The following GALNT13 variants were observed in gnomAD, a reference collection of about 807,000 sequenced individuals.
The protein encoded by GALNT13 is UDP-GalNAc:polypeptide N-acetylgalactosaminyltransferase 13.
GALNT13 carries 28 observed loss-of-function variants against 64.2 expected under a neutral mutation model. The ratio of observed to expected loss-of-function variants is 0.44; its 90% CI spans 0.32 to 0.60. The LOEUF (loss-of-function observed/expected upper bound fraction) is 0.60, where lower values mean the gene tolerates loss of function less well. Among genes scored for constraint, GALNT13 ranks in the 20% least tolerant of loss-of-function variants. The pLI, the probability that GALNT13 is intolerant of heterozygous loss-of-function variation, is 0.05. For synonymous variants in GALNT13, 214 were observed against 224.6 expected (o/e 0.95, Z 0.42); for missense variants, 577 against 669.8 (o/e 0.86, Z 1.53).
chr2:153,482,794 A>G, the GALNT13 span, among the ~76,000 whole-genome samples: 8 of 148,502 alleles, frequency 5.4e-5, no homozygotes, highest in African/African-American at 1.0e-4. Flanking sequence ...TAAATCCTCT[A>G]TGTACCTCAT....
intron 4 of GALNT13, among the ~76,000 whole-genome samples, chr2:154,241,734 G>T (rs1689498752): frequency 1.3e-5 from 2 of 152,054 alleles, no homozygotes; most frequent in South Asian, 2.1e-4. Context: ...TGTTTTACCA[G>T]TTTCAGAATG....
intron 2 of GALNT13, among the ~76,000 whole-genome samples, chr2:153,942,628 C>CT (rs1328961596): frequency 6.6e-6 from 1 of 151,644 alleles, no homozygotes; most frequent in Non-Finnish European, 1.5e-5. Context: ...TAACATGTTA[C>CT]TTTTTTCTAA....
the GALNT13 span, among the ~76,000 whole-genome samples, chr2:153,271,252 A>G: frequency 1.3e-5 from 2 of 152,188 alleles, no homozygotes; most frequent in African/African-American, 4.8e-5. Context: ...TCAGCATAAT[A>G]TTGGAAGTTC....
chr2:153,077,957 T>A, the GALNT13 span, among the ~76,000 whole-genome samples: 1 of 152,214 alleles, frequency 6.6e-6, no homozygotes, highest in African/African-American at 2.4e-5. Flanking sequence ...AAGAATGTTA[T>A]GTATGCTTAT....
At chr2:153,426,365 G>A in the GALNT13 span, among the ~76,000 whole-genome samples, 1 of 151,830 alleles carries the variant, frequency 6.6e-6, no homozygotes, top group African/African-American at 2.4e-5. Context: ...TTTTTATTTT[G>A]CTAAATGATT....
chr2:154,018,887 G>A (rs1360297922), intron 3 of GALNT13, among the ~76,000 whole-genome samples: 2 of 151,282 alleles, frequency 1.3e-5, no homozygotes, highest in African/African-American at 2.4e-5. Flanking sequence ...AGGAAAGAGA[G>A]GAAGAAGGAA....
the GALNT13 span, among the ~76,000 whole-genome samples, chr2:153,395,589 A>G: frequency 9.2e-5 from 14 of 152,108 alleles, no homozygotes; most frequent in African/African-American, 3.4e-4. Flanking sequence ...CCAGTTTAAG[A>G]GTTTCTATAT....
chr2:153,764,742 A>G, the GALNT13 span, among the ~76,000 whole-genome samples: 1 of 152,250 alleles, frequency 6.6e-6, no homozygotes, highest in African/African-American at 2.4e-5. Context: ...AGCCCCTCCC[A>G]TCATAGGTCC....
the GALNT13 span, among the ~76,000 whole-genome samples, chr2:153,728,845 G>A: frequency 1.3e-5 from 2 of 152,158 alleles, no homozygotes; most frequent in Non-Finnish European, 1.5e-5. Context: ...TACCATCAGA[G>A]AATACTATAA....
the GALNT13 span, among the ~76,000 whole-genome samples, chr2:153,109,858 AT>A: frequency 6.6e-6 from 1 of 152,080 alleles, no homozygotes; most frequent in African/African-American, 2.4e-5. Flanking sequence ...AAACAGTTTT[AT>A]TTGTAGACTT....
At chr2:154,392,030 G>GA (rs1202843875) in intron 9 of GALNT13, among the ~76,000 whole-genome samples, 2 of 151,996 alleles carry the variant, frequency 1.3e-5, no homozygotes, top group Non-Finnish European at 2.9e-5. Context: ...ATTACAGACA[G>GA]AAAAAAAGAA....
At chr2:153,726,017 G>C in the GALNT13 span, among the ~76,000 whole-genome samples, 1 of 151,710 alleles carries the variant, frequency 6.6e-6, no homozygotes. Context: ...TGATTATTAT[G>C]TAAGTTATTA....
chr2:153,086,716 T>TA, the GALNT13 span, among the ~76,000 whole-genome samples: 1 of 126,780 alleles, frequency 7.9e-6, no homozygotes, highest in Non-Finnish European at 1.9e-5. Flanking sequence ...TTATTTTATT[T>TA]ATTTTATTTT....
chr2:153,879,579 C>G (rs1686640883), intron 1 of GALNT13, among the ~76,000 whole-genome samples: 1 of 151,502 alleles, frequency 6.6e-6, no homozygotes, highest in Non-Finnish European at 1.5e-5. Context: ...CACTATGTTG[C>G]CCAGGCTGGT....
chr2:153,796,793 C>A, the GALNT13 span, among the ~76,000 whole-genome samples: 1,728 of 152,222 alleles, frequency 0.011, 29 homozygotes, highest in African/African-American at 0.038. Flanking sequence ...TGGTGCCATA[C>A]ATTTTAAAAA....
At chr2:153,833,689 C>T in the GALNT13 span, among the ~76,000 whole-genome samples, 7 of 152,076 alleles carry the variant, frequency 4.6e-5, no homozygotes, top group Admixed American at 4.6e-4. Flanking sequence ...TGAAATGAAT[C>T]TTTCATAGAC....
the GALNT13 span, among the ~76,000 whole-genome samples, chr2:153,525,638 C>G: frequency 6.6e-6 from 1 of 152,188 alleles, no homozygotes; most frequent in Non-Finnish European, 1.5e-5. Context: ...AATCTAATGC[C>G]TGACGATCCC....
At chr2:154,323,147 G>A (rs1287722758) in intron 9 of GALNT13, among the ~76,000 whole-genome samples, 1 of 151,402 alleles carries the variant, frequency 6.6e-6, no homozygotes. Flanking sequence ...GGAAGGAGTA[G>A]CAGCTGAGCA....
the GALNT13 span, among the ~76,000 whole-genome samples, chr2:153,130,331 C>T: frequency 2.0e-5 from 3 of 152,170 alleles, no homozygotes; most frequent in African/African-American, 7.2e-5. Context: ...AAGTCAGAGT[C>T]AAGTTACCTA....
Sources: allele counts gnomAD v4.1 joint callset (sites outside exome capture counted in the v4.1 genomes callset), GRCh38; gene constraint gnomAD v4.1.1; transcripts MANE v1.5; gene names NCBI Gene and HGNC (gene_info 2026-07-23, HGNC 2026-07-21).